BCAS1: variants seen among roughly 807,000 people sequenced by gnomAD.
BCAS1 encodes the protein breast carcinoma-amplified sequence 1.
In BCAS1, 46 loss-of-function variants were observed where a neutral mutation model predicts 65.4. That is an observed-to-expected ratio of 0.70 (90% CI 0.55 to 0.90). The LOEUF (loss-of-function observed/expected upper bound fraction) is 0.90, where lower values mean the gene tolerates loss of function less well. Ranked by LOEUF, BCAS1 falls within the 40% of genes least tolerant of loss-of-function variation. The probability of loss-of-function intolerance (pLI) is 0.00; values close to 1 mark genes in which losing one functional copy is unlikely to be tolerated. For synonymous variants in BCAS1, 298 were observed against 293.5 expected, an observed-to-expected ratio of 1.02 and a Z score of -0.16; for missense variants, 793 against 771.2, an observed-to-expected ratio of 1.03 and a Z score of -0.33.
chr20:53,976,452 G>A (rs2145709140), intron 8 of BCAS1, among the ~76,000 whole-genome samples: 1 of 152,156 alleles, frequency 6.6e-6, no homozygotes, highest in South Asian at 2.1e-4. Context: ...GGCATCCAGG[G>A]GAGGGGAAGA....
At chr20:53,968,551 C>A (rs1568824579) in intron 9 of BCAS1, among the ~76,000 whole-genome samples, 1 of 152,306 alleles carries the variant, frequency 6.6e-6, no homozygotes, top group South Asian at 2.1e-4. Flanking sequence ...GGGAGTTGCC[C>A]ATCAGTAAAT....
intron 4 of BCAS1, among the ~76,000 whole-genome samples, chr20:54,009,706 AATTT>A (rs2091280371): frequency 6.6e-6 from 1 of 152,202 alleles, no homozygotes; most frequent in South Asian, 2.1e-4. Context: ...AATGCTTACT[AATTT>A]ATTTTATAAA....
intron 3 of BCAS1, among the ~76,000 whole-genome samples, chr20:54,048,457 G>T (rs1321643115): frequency 6.6e-6 from 1 of 152,096 alleles, no homozygotes; most frequent in African/African-American, 2.4e-5. Context: ...ATGCCTACAT[G>T]GTGGCAGAGG....
At chr20:53,970,106 ACC>A (rs1396559196) in intron 9 of BCAS1, among the ~76,000 whole-genome samples, 1 of 150,456 alleles carries the variant, frequency 6.6e-6, no homozygotes, top group Admixed American at 6.6e-5. Flanking sequence ...GTGTGCAAAG[ACC>A]TGGAGGAAAA....
chr20:53,977,660 G>A (rs2090368795), intron 8 of BCAS1, among the ~76,000 whole-genome samples: 1 of 152,158 alleles, frequency 6.6e-6, no homozygotes, highest in African/African-American at 2.4e-5. Context: ...AATAGAAGGG[G>A]CTGCTTCTGA....
At chr20:53,995,808 T>G (rs1228073267) in intron 5 of BCAS1, 84 bp downstream of exon 5, 4 of 1,391,390 alleles carry the variant, frequency 2.9e-6, no homozygotes, top group Non-Finnish European at 3.9e-6. Flanking sequence ...TTTAGTACAA[T>G]AACATTCAAA....
At chr20:54,006,201 A>G (rs1439770115) in intron 4 of BCAS1, among the ~76,000 whole-genome samples, 3 of 152,158 alleles carry the variant, frequency 2.0e-5, no homozygotes, top group African/African-American at 7.2e-5. Context: ...AGATATGGAG[A>G]GTCAGAGAGA....
At chr20:53,963,194 A>T (rs760069810) in intron 10 of BCAS1, among the ~76,000 whole-genome samples, 30 of 151,528 alleles carry the variant, frequency 2.0e-4, no homozygotes, top group Non-Finnish European at 4.0e-4. Flanking sequence ...AGAGAAAAAG[A>T]TCTCTAGCTG....
At chr20:54,008,970 C>A (rs1463002309) in intron 4 of BCAS1, among the ~76,000 whole-genome samples, 1 of 152,114 alleles carries the variant, frequency 6.6e-6, no homozygotes, top group African/African-American at 2.4e-5. Context: ...TGCACCACCA[C>A]GCCCAGCTAA....
rs376015384 is a variant in BCAS1, at chr20:54,062,856, C to T, written c.-5-4133G>A. On this transcript the variant is annotated intron_variant, in intron 1 of 12. Transcript: ENST00000688948. ...CCACCAGCAGATATAATGCATGTGT[C>T]GTGAAATTGCTCCTGCCTGTCCATC... Among the ~76,000 whole-genome samples, 42 of 152,302 alleles carry T rather than the reference C, an allele frequency of 2.8e-4. 4 individuals carry two copies. The highest frequency in any genetic ancestry group is 2.2e-3 in the Admixed American group (33 of 15,304).
intron 3 of BCAS1, among the ~76,000 whole-genome samples, chr20:54,041,622 G>A (rs576174007): frequency 3.3e-5 from 5 of 152,060 alleles, no homozygotes; most frequent in Admixed American, 2.6e-4. Context: ...GTGGCTTAAC[G>A]CCTGTAATCC....
chr20:53,946,082 A>T, intron 12 of BCAS1, among the ~76,000 whole-genome samples: 1 of 151,188 alleles, frequency 6.6e-6, no homozygotes, highest in Non-Finnish European at 1.5e-5. Flanking sequence ...CCTGAGTACT[A>T]TTATTATTAT....
chr20:54,036,563 C>T (rs2091903483), intron 3 of BCAS1, among the ~76,000 whole-genome samples: 1 of 151,100 alleles, frequency 6.6e-6, no homozygotes, highest in Admixed American at 6.6e-5. Context: ...ATGGATAACC[C>T]GGGTAAGTTA....
rs150084266 is a variant in BCAS1 at position 54,035,767 on chromosome 20, C to T, written c.143-6795G>A. Among the ~76,000 whole-genome samples, 400 of 151,236 alleles carry T rather than the reference C, an allele frequency of 2.6e-3. 7 individuals carry two copies. The highest frequency in any genetic ancestry group is 9.4e-3 in the African/African-American group (390 of 41,386). Reference sequence around the variant, plus strand: ...GATACATGCATGTGTATGTTCATTGCAGCACTATTCACAATAGCAAAAACA... The same window carrying T: ...GATACATGCATGTGTATGTTCATTGTAGCACTATTCACAATAGCAAAAACA... On this transcript the variant is annotated intron_variant, in intron 3 of 12. Transcript: ENST00000688948.
chr20:54,068,871 C>A (rs2092478421), intron 1 of BCAS1, among the ~76,000 whole-genome samples: 1 of 152,040 alleles, frequency 6.6e-6, no homozygotes, highest in Non-Finnish European at 1.5e-5. Flanking sequence ...TGCAAAGGTA[C>A]CCCCGCCCCC....
intron 4 of BCAS1, among the ~76,000 whole-genome samples, chr20:54,028,080 A>T (rs1182673857): frequency 6.6e-6 from 1 of 152,204 alleles, no homozygotes; most frequent in African/African-American, 2.4e-5. Context: ...TCCAGAATCC[A>T]CTGATCGTAA....
chr20:53,947,834 C>T (rs1175097561), intron 12 of BCAS1, among the ~76,000 whole-genome samples: 1 of 152,216 alleles, frequency 6.6e-6, no homozygotes, highest in Non-Finnish European at 1.5e-5. Context: ...TGCACCTTTA[C>T]AACCCAGGGC....
intron 2 of BCAS1, 54 bp downstream of exon 2, chr20:54,058,593 C>CTTTTTTTTTTTTTTTTTTTTTTTTTTTTT (rs3043223): frequency 1.6e-6 from 2 of 1,224,770 alleles, no homozygotes; most frequent in Non-Finnish European, 1.1e-6. Context: ...ACAGGAAGTT[C>CTTTTTTTTTTTTTTTTTTTTTTTTTTTTT]TTTTTTTTTT....
intron 10 of BCAS1, among the ~76,000 whole-genome samples, chr20:53,958,500 C>G (rs1024891552): frequency 5.3e-5 from 8 of 152,192 alleles, no homozygotes; most frequent in Non-Finnish European, 1.2e-4. Context: ...ATGGCCATGG[C>G]TGTTCTCTTA....
Sources: gnomAD v4.1 joint callset for allele counts (sites outside exome capture counted in the v4.1 genomes callset) on GRCh38, gnomAD v4.1.1 for gene constraint, MANE v1.5 for transcripts, NCBI Gene and HGNC (gene_info 2026-07-23, HGNC 2026-07-21) for gene names.